ZNF688: variants seen among roughly 807,000 people sequenced by gnomAD.
The protein encoded by ZNF688 is zinc finger protein 688.
Under a neutral mutation model 13.2 loss-of-function variants are expected in ZNF688, and 10 were observed. That is an observed-to-expected ratio of 0.76 (90% CI 0.47 to 1.28). ZNF688 has a LOEUF of 1.28. Ranked by LOEUF, ZNF688 falls within the 50% of genes most tolerant of loss-of-function variation. The pLI, the probability that ZNF688 is intolerant of heterozygous loss-of-function variation, is 0.00. For synonymous variants in ZNF688, 160 were observed against 159.4 expected (o/e 1.00, Z -0.03); for missense variants, 381 against 391.4 (o/e 0.97, Z 0.22).
upstream of ZNF688, among the ~76,000 whole-genome samples, chr16:30,574,291 A>G (rs890453054): frequency 6.6e-6 from 1 of 152,184 alleles, no homozygotes; most frequent in African/African-American, 2.4e-5. Context: ...TGTGCCTGTA[A>G]TCCCAACACT....
At chr16:30,579,613 C>T in the ZNF688 span, 7 of 345,702 alleles carry the variant, frequency 2.0e-5, no homozygotes, top group African/African-American at 1.5e-4. Context: ...CTCCTGACCT[C>T]AAGTGATTAA....
chr16:30,574,516 A>G (rs2051729387), upstream of ZNF688, among the ~76,000 whole-genome samples: 1 of 151,994 alleles, frequency 6.6e-6, no homozygotes, highest in Non-Finnish European at 1.5e-5. Context: ...ATTGCACTCC[A>G]GCCTGTGTGA....
Position 30,570,169 on chromosome 16 carries a change from G to C in ZNF688, c.578C>G (p.Thr193Ser). Residue 193 changes from threonine to serine, a missense_variant, in exon 3 of 3, where the codon ACC (threonine) becomes AGC (serine). Coordinates refer to ENST00000223459, the MANE Select transcript of ZNF688 (RefSeq NM_145271.4). Reference protein sequence around the residue: ...HVCTDCGRRFTYPSLLVSHRR... With the variant: ...HVCTDCGRRFSYPSLLVSHRR... ...GTGGCTGACCAGCAGTGAGGGGTAGGTGAAGCGGCGGCCGCAGTCCGTGCA... is the reference window on the plus strand; with the variant it reads ...GTGGCTGACCAGCAGTGAGGGGTAGCTGAAGCGGCGGCCGCAGTCCGTGCA... 1 of 1,611,192 alleles carries C rather than the reference G, an allele frequency of 6.2e-7. No homozygotes were observed. The highest frequency in any genetic ancestry group is 1.3e-5 in the African/African-American group (1 of 75,026).
At chr16:30,574,251 GA>G (rs57467969), upstream of ZNF688, among the ~76,000 whole-genome samples, 1 of 149,832 alleles carries the variant, frequency 6.7e-6, no homozygotes, top group African/African-American at 2.5e-5. Context: ...GTCTCAAAAA[GA>G]AAAAAAAATT....
At chr16:30,575,983 C>A (rs533467337), upstream of ZNF688, among the ~76,000 whole-genome samples, 8 of 152,232 alleles carry the variant, frequency 5.3e-5, no homozygotes, top group African/African-American at 1.9e-4. Flanking sequence ...AGCATCCTTG[C>A]CAATACCTGT....
In ZNF688 at chr16:30,570,256, C is replaced by T. The variant is rs2051651267; in HGVS notation, c.491G>A (p.Gly164Glu). The change falls in exon 3 of 3, where the codon GGA becomes GAA. Residue 164 changes from glycine (G) to glutamate (E), a missense_variant. Physicochemically the swap from Gly to Glu is moderately conservative, Grantham distance 98 (BLOSUM62 -2). Coordinates refer to ENST00000223459, the MANE Select transcript of ZNF688 (RefSeq NM_145271.4). ...GGGTATGGGTGCCGGGGGCTGTGCT[C>T]CTGTGGTCGGGTCCCAGGCAGCATT... ...PKNAAWDPTT[G>E]AQPPAPIPSM... 1 of 1,613,574 alleles carries T rather than the reference C, an allele frequency of 6.2e-7. No homozygotes were observed. The highest frequency in any genetic ancestry group is 8.5e-7 in the Non-Finnish European group (1 of 1,179,908).
At position 30,571,431 on chromosome 16, in the gene ZNF688, C is replaced by A; in HGVS notation, c.196+3G>T. On this transcript the variant is annotated splice_donor_region_variant and intron_variant, in intron 1 of 2. Transcript: ENST00000223459. Reference sequence around the variant, plus strand: ...GGAGGGGGCTCGGACCCGGGGCTCTCACCGAGCGCGCCCAGGTGGCCGTAG... The same window carrying A: ...GGAGGGGGCTCGGACCCGGGGCTCTAACCGAGCGCGCCCAGGTGGCCGTAG... 1 of 1,563,994 alleles carries A rather than the reference C, an allele frequency of 6.4e-7. No individual in the cohort carries two copies. The highest frequency in any genetic ancestry group is 8.7e-7 in the Non-Finnish European group (1 of 1,155,102).
the ZNF688 span, chr16:30,578,746 G>C: frequency 6.4e-4 from 97 of 152,062 alleles, 1 homozygote; most frequent in African/African-American, 1.9e-3. Flanking sequence ...CGTCAGGCTG[G>C]TCTCAAACTC....
chr16:30,569,989 G>A lies in ZNF688; in HGVS notation c.758C>T (p.Ala253Val). 6.2e-7 allele frequency: 1 copy of A among 1,607,114 alleles called. No homozygotes were observed. The highest frequency in any genetic ancestry group is 8.5e-7 in the Non-Finnish European group (1 of 1,177,194). ...RRPGIRAVPR[A>V]PVRGDRDPPV... Reference sequence around the variant, plus strand: ...CGGGTCCCGGTCACCTCGGACGGGGGCCCGAGGCACAGCCCGGATCCCAGG... The same window carrying A: ...CGGGTCCCGGTCACCTCGGACGGGGACCCGAGGCACAGCCCGGATCCCAGG... Residue 253 changes from alanine (A) to valine (V), a missense_variant, in exon 3 of 3, where the codon GCC becomes GTC. By Grantham distance (64) the Ala-to-Val change is moderately conservative. Transcript: ENST00000223459.
At chr16:30,574,025 T>C (rs576889872), upstream of ZNF688, 7 of 188,488 alleles carry the variant, frequency 3.7e-5, no homozygotes, top group East Asian at 1.2e-3. Flanking sequence ...GGTGGGCAGA[T>C]TGCTTTAGGC....
At chr16:30,571,156 G>C in intron 1 of ZNF688, 33 bp from the exon 2 acceptor site, 2 of 1,554,382 alleles carry the variant, frequency 1.3e-6, no homozygotes, top group Non-Finnish European at 1.7e-6. Flanking sequence ...GCGCGGGCCT[G>C]AGAGGCCATC....
chr16:30,579,898 G>A, the ZNF688 span: 1 of 453,446 alleles, frequency 2.2e-6, no homozygotes, highest in Non-Finnish European at 4.4e-6. Flanking sequence ...GTTTTGTTTT[G>A]TTTTTTGAGA....
In ZNF688 at chr16:30,570,246, G is replaced by T; in HGVS notation, c.501C>A (p.Pro167=). 6.2e-7 allele frequency: 1 copy of T among 1,613,688 alleles called. No homozygotes were observed. Residue 167 remains proline, a synonymous_variant, in exon 3 of 3, where the codon CCC becomes CCA. Transcript: ENST00000223459. ...CATCCATGCTGGGTATGGGTGCCGG[G>T]GGCTGTGCTCCTGTGGTCGGGTCCC... ...AAWDPTTGAQ[P]PAPIPSMDAQ...
the ZNF688 span, chr16:30,579,844 A>G: frequency 6.6e-6 from 3 of 455,898 alleles, no homozygotes; most frequent in Non-Finnish European, 1.3e-5. Flanking sequence ...TAGGGCTAGC[A>G]GATCTAAATG....
chr16:30,574,983 C>CT (rs2051732944), upstream of ZNF688, among the ~76,000 whole-genome samples: 1 of 152,136 alleles, frequency 6.6e-6, no homozygotes, highest in African/African-American at 2.4e-5. Flanking sequence ...CTGTGTCTGG[C>CT]TTATTCACTT....
At position 30,571,568 on chromosome 16, in the gene ZNF688, C is replaced by G. The variant is rs1445891528; in HGVS notation, c.62G>C (p.Arg21Thr). ...PRPGETRPGC[R>T]KPGTVSFADV... ...CGCGAAGCTCACAGTCCCGGGCTTC[C>G]TGCAACCAGGCCGGGTCTCCCCGGG... Residue 21 changes from arginine to threonine, a missense_variant, in exon 1 of 3, where the codon AGG becomes ACG. Coordinates refer to ENST00000223459, the MANE Select transcript of ZNF688 (RefSeq NM_145271.4). 1 of 1,569,220 alleles carries G rather than the reference C, an allele frequency of 6.4e-7. No homozygotes were observed. The highest frequency in any genetic ancestry group is 8.6e-7 in the Non-Finnish European group (1 of 1,158,542).
At chr16:30,573,151 C>T (rs1191959115), upstream of ZNF688, among the ~76,000 whole-genome samples, 2 of 152,246 alleles carry the variant, frequency 1.3e-5, no homozygotes, top group Non-Finnish European at 2.9e-5. Flanking sequence ...AGGTGATCCT[C>T]CCGCCTCAGC....
the ZNF688 span, chr16:30,579,939 G>A: frequency 6.7e-6 from 3 of 444,980 alleles, no homozygotes; most frequent in Non-Finnish European, 1.4e-5. Flanking sequence ...CCAGGCTGGA[G>A]TGCAGTGGCG....
chr16:30,573,425 A>G (rs1311751620), upstream of ZNF688, among the ~76,000 whole-genome samples: 1 of 152,178 alleles, frequency 6.6e-6, no homozygotes, highest in East Asian at 1.9e-4. Context: ...TTTTCAGCCA[A>G]GATGGGTCAT....
Sources: gnomAD v4.1 joint callset for allele counts (sites outside exome capture counted in the v4.1 genomes callset) on GRCh38, gnomAD v4.1.1 for gene constraint, MANE v1.5 for transcripts, NCBI Gene and HGNC (gene_info 2026-07-23, HGNC 2026-07-21) for gene names.